The following RIMS1 variants were observed in gnomAD, a reference collection of about 807,000 sequenced individuals.
RIMS1 encodes regulating synaptic membrane exocytosis protein 1.
A neutral mutation model predicts 214.1 loss-of-function variants in RIMS1; 83 were observed. That is an observed-to-expected ratio of 0.39 (90% confidence interval 0.32 to 0.47). The LOEUF (loss-of-function observed/expected upper bound fraction) is 0.47, where lower values mean the gene tolerates loss of function less well. Ranked by LOEUF, RIMS1 falls within the 20% of genes least tolerant of loss-of-function variation. The probability of loss-of-function intolerance (pLI) is 0.99; values close to 1 mark genes in which losing one functional copy is unlikely to be tolerated. For synonymous variants in RIMS1, 793 were observed against 786.8 expected, an observed-to-expected ratio of 1.01 and a Z score of -0.13; for missense variants, 2,050 against 2,161.8, an observed-to-expected ratio of 0.95 and a Z score of 1.03.
At chr6:72,223,105 G>A (rs1021424205) in intron 6 of RIMS1, among the ~76,000 whole-genome samples, 2 of 152,164 alleles carry the variant, frequency 1.3e-5, no homozygotes, top group Non-Finnish European at 2.9e-5. Context: ...AGAAACTCTT[G>A]TATTATTGTG....
At chr6:72,247,043 A>G (rs72939699) in intron 11 of RIMS1, among the ~76,000 whole-genome samples, 11 of 152,280 alleles carry the variant, frequency 7.2e-5, no homozygotes, top group African/African-American at 1.7e-4. Context: ...GTATTTCTCA[A>G]TGAAGCATTG....
intron 2 of RIMS1, among the ~76,000 whole-genome samples, chr6:72,076,639 T>C (rs1364518713): frequency 6.6e-6 from 1 of 152,218 alleles, no homozygotes; most frequent in African/African-American, 2.4e-5. Context: ...ATTTATTTAG[T>C]GTTACAGAGC....
At chr6:72,273,687 A>G (rs2084652310) in intron 22 of RIMS1, among the ~76,000 whole-genome samples, 1 of 152,208 alleles carries the variant, frequency 6.6e-6, no homozygotes, top group Non-Finnish European at 1.5e-5. Context: ...CATTTCATGT[A>G]TCTATGTTCT....
At chr6:72,339,053 T>C (rs1022762583) in intron 29 of RIMS1, among the ~76,000 whole-genome samples, 4 of 151,806 alleles carry the variant, frequency 2.6e-5, no homozygotes, top group Non-Finnish European at 4.4e-5. Flanking sequence ...CACAGTATCA[T>C]AGAGCAAATC....
Position 72,400,962 on chromosome 6 carries a change from GAA to G in RIMS1, c.*252_*253del. 2.2e-6 allele frequency: 1 copy of G among 461,884 alleles called. No homozygotes were observed. The highest frequency in any genetic ancestry group is 3.1e-5 in the South Asian group (1 of 32,394). The allele number at this position is 461,884 out of a possible 1,614,324, so 28.6% of individuals were successfully genotyped here. On this transcript the variant is annotated 3_prime_UTR_variant, in exon 34 of 34. Transcript: ENST00000521978. ...GAGTCACTGATGCTTCTAACAAATA[GAA>G]AAAGAGGAAACTTTAAATCCACGCA...
At chr6:72,265,561 A>G in intron 21 of RIMS1, 58 bp downstream of exon 21, 1 of 998,618 alleles carries the variant, frequency 1.0e-6, no homozygotes, top group Non-Finnish European at 1.5e-6. Context: ...GTGAACCAAA[A>G]AAGTTGAGTT....
intron 1 of RIMS1, among the ~76,000 whole-genome samples, chr6:71,904,080 A>G (rs1774561509): frequency 6.6e-6 from 1 of 152,076 alleles, no homozygotes. Context: ...AAAGGTCTGG[A>G]GGATACAGAA....
rs1317812285 is a variant in RIMS1, at chr6:72,292,032, G to A, written c.3836G>A (p.Gly1279Asp). 6 of 1,554,982 alleles carry A rather than the reference G, an allele frequency of 3.9e-6. No homozygotes were observed. The highest frequency in any genetic ancestry group is 4.4e-6 in the Non-Finnish European group (5 of 1,148,746). Residue 1279 changes from glycine to aspartate, a missense_variant, in exon 26 of 34, where the codon GGC becomes GAC. By Grantham distance (94) the Gly-to-Asp change is moderately conservative (BLOSUM62 -1). Transcript: ENST00000521978. Reference sequence around the variant, plus strand: ...CTCCCACAAGTGCCAGTGAGAAGCGGCAGTATAGAACAAGGTATCCGATAA... The same window carrying A: ...CTCCCACAAGTGCCAGTGAGAAGCGACAGTATAGAACAAGGTATCCGATAA... Reference protein sequence around the residue: ...RQLPQVPVRSGSIEQASLVVE... With the variant: ...RQLPQVPVRSDSIEQASLVVE...
chr6:72,232,842 A>G lies in RIMS1; in HGVS notation c.1679-931A>G, dbSNP rs74933490. On this transcript the variant is annotated intron_variant, in intron 6 of 33. Transcript: ENST00000521978. Reference sequence around the variant, plus strand: ...CTGCAGTGCCTGTCATGTACATACAATTCTTTACCTATGATCTTTACAGGC... The same window carrying G: ...CTGCAGTGCCTGTCATGTACATACAGTTCTTTACCTATGATCTTTACAGGC... Among the ~76,000 whole-genome samples, 204 of 151,910 alleles carry G rather than the reference A, an allele frequency of 1.3e-3. 4 individuals are homozygous for G. The East Asian group carries it at 0.035, about 26-fold the overall frequency.
intron 29 of RIMS1, among the ~76,000 whole-genome samples, chr6:72,386,364 G>T (rs2098601630): frequency 6.6e-6 from 1 of 152,172 alleles, no homozygotes; most frequent in African/African-American, 2.4e-5. Context: ...CATCTGGACT[G>T]CCAGCAACAC....
Position 72,065,815 on chromosome 6 carries a change from G to A in RIMS1, c.246-31134G>A, listed in dbSNP as rs1352266272. On this transcript the variant is annotated intron_variant, in intron 2 of 33. Coordinates refer to ENST00000521978, the MANE Select transcript of RIMS1 (RefSeq NM_014989.7). ...TTCACATTCAGGCTAGCTGAGTCAAGAAGTCATGCTTTTAACCAGATATGC... is the reference window on the plus strand; with the variant it reads ...TTCACATTCAGGCTAGCTGAGTCAAAAAGTCATGCTTTTAACCAGATATGC... Among the ~76,000 whole-genome samples the A allele has an allele frequency of 2.0e-5, 3 of 151,212 alleles. No homozygotes were observed. The Admixed American group carries it at 2.0e-4, about 10-fold the overall frequency.
intron 19 of RIMS1, chr6:72,261,881 A>G: frequency 2.0e-6 from 2 of 985,280 alleles, no homozygotes; most frequent in Non-Finnish European, 2.4e-6. Context: ...TGAGAAAAAA[A>G]TGTAAAATCA....
chr6:71,990,108 A>G (rs1044846211), intron 2 of RIMS1, among the ~76,000 whole-genome samples: 2 of 152,130 alleles, frequency 1.3e-5, no homozygotes, highest in African/African-American at 4.8e-5. Flanking sequence ...CCTACCTCCT[A>G]TCACAGCCTC....
chr6:72,209,268 A>G (rs561783275), intron 6 of RIMS1, among the ~76,000 whole-genome samples: 200 of 152,280 alleles, frequency 1.3e-3, no homozygotes, highest in African/African-American at 4.6e-3. Flanking sequence ...CCAGTTAGGC[A>G]TTTTATAACC....
At chr6:72,269,299 A>G (rs2081961455) in intron 22 of RIMS1, among the ~76,000 whole-genome samples, 1 of 151,792 alleles carries the variant, frequency 6.6e-6, no homozygotes, top group African/African-American at 2.4e-5. Flanking sequence ...ATTTTCTTAA[A>G]CCTCTGTTAT....
chr6:72,126,706 G>T, intron 4 of RIMS1: 1 of 254,878 alleles, frequency 3.9e-6, no homozygotes, highest in Non-Finnish European at 7.7e-6. Context: ...TCAGGAAAAT[G>T]TAAATTAAAA....
At chr6:72,111,507 A>G (rs936337091) in intron 4 of RIMS1, among the ~76,000 whole-genome samples, 1 of 152,150 alleles carries the variant, frequency 6.6e-6, no homozygotes, top group African/African-American at 2.4e-5. Context: ...AATTCTTGTA[A>G]TACTGTATAA....
Position 72,400,688 on chromosome 6 carries a change from A to T in RIMS1, c.5053A>T (p.Thr1685Ser). 1 of 1,613,578 alleles carries T rather than the reference A, an allele frequency of 6.2e-7. No individual in the cohort carries two copies. The highest frequency in any genetic ancestry group is 1.3e-5 in the African/African-American group (1 of 75,020). Residue 1685 changes from threonine (T) to serine (S), a missense_variant, in exon 34 of 34, where the codon ACT (threonine) becomes TCT (serine). Thr to Ser is a moderately conservative substitution (Grantham distance 58). This residue lies in a region of RIMS1 where 33 missense variants were observed against 40.9 expected (regional missense o/e 0.81). Transcript: ENST00000521978. ...RASQSSLESS[T>S]GPPCIRS Reference sequence around the variant, plus strand: ...TTCCCAGTCATCTCTGGAAAGTTCAACTGGGCCTCCCTGTATTCGATCATA... The same window carrying T: ...TTCCCAGTCATCTCTGGAAAGTTCATCTGGGCCTCCCTGTATTCGATCATA...
intron 6 of RIMS1, chr6:72,216,781 A>G (rs1366272442): frequency 1.0e-6 from 1 of 988,992 alleles, no homozygotes; most frequent in Non-Finnish European, 1.2e-6. Context: ...AAGGACCACA[A>G]CGTTTCATCT....
Sources: allele counts gnomAD v4.1 joint callset (sites outside exome capture counted in the v4.1 genomes callset), GRCh38; gene constraint gnomAD v4.1.1; regional missense constraint gnomAD v4.1.1; transcripts MANE v1.5; gene names NCBI Gene and HGNC (gene_info 2026-07-23, HGNC 2026-07-21).